Variants in RAB3GAP2 observed in about 807,000 individuals in gnomAD.
RAB3GAP2 encodes RAB3 GTPase activating non-catalytic protein subunit 2.
In RAB3GAP2, 87 loss-of-function variants were observed where a neutral mutation model predicts 185.3. The ratio of observed to expected loss-of-function variants is 0.47; its 90% confidence interval spans 0.39 to 0.56. The LOEUF is 0.56. RAB3GAP2 is among the 20% of genes least tolerant of loss of function. RAB3GAP2 has a pLI of 0.00. For synonymous variants in RAB3GAP2, 554 were observed against 576.1 expected (o/e 0.96, Z 0.55); for missense variants, 1,492 against 1,638.2 (o/e 0.91, Z 1.54).
intron 14 of RAB3GAP2, 127 bp from the exon 15 acceptor site, chr1:220,190,647 A>G: frequency 1.1e-6 from 1 of 913,776 alleles, no homozygotes; most frequent in Non-Finnish European, 1.7e-6. Context: ...GCAACTAAAT[A>G]CTGATAGCAA....
At chr1:220,168,639 C>T (rs145253505) in intron 24 of RAB3GAP2, among the ~76,000 whole-genome samples, 1,613 of 151,944 alleles carry the variant, frequency 0.011, 24 homozygotes, top group African/African-American at 0.036. Context: ...TCAGGTGATC[C>T]ACCTGCCTCA....
intron 1 of RAB3GAP2, among the ~76,000 whole-genome samples, chr1:220,251,229 C>T (rs182049783): frequency 3.3e-5 from 5 of 152,278 alleles, no homozygotes; most frequent in African/African-American, 1.2e-4. Context: ...AGATTTCACA[C>T]TTACACACAT....
chr1:220,213,809 A>T, intron 3 of RAB3GAP2, 47 bp downstream of exon 3: 1 of 1,573,926 alleles, frequency 6.4e-7, no homozygotes, highest in Non-Finnish European at 8.7e-7. Flanking sequence ...TTTCTCTTCT[A>T]TCCAATGTAT....
Position 220,272,309 on chromosome 1 carries a change from T to C in RAB3GAP2, c.29A>G (p.Tyr10Cys). 1 of 1,612,106 alleles carries C rather than the reference T, an allele frequency of 6.2e-7. No individual in the cohort carries two copies. The highest frequency in any genetic ancestry group is 8.5e-7 in the Non-Finnish European group (1 of 1,179,466). The change falls in exon 1 of 35, where the codon TAC (tyrosine) becomes TGC (cysteine). Residue 10 changes from tyrosine to cysteine, a missense_variant. This residue lies in a region of RAB3GAP2 where 177 missense variants were observed against 160.6 expected (regional missense o/e 1.10). Coordinates refer to ENST00000358951, the MANE Select transcript of RAB3GAP2 (RefSeq NM_012414.4). ...CCGGGCGGCCTGGAGGTCCTGGAAG[T>C]AGCAGAACTGGACAATGGAGCAGGC... MACSIVQFCYFQDLQAARDF... is the reference protein window; with the variant it reads MACSIVQFCCFQDLQAARDF...
At position 220,158,693 on chromosome 1, in the gene RAB3GAP2, G is replaced by A. The variant is rs1436381022; in HGVS notation, c.3261+693C>T. Among the ~76,000 whole-genome samples, 2 of 151,992 alleles carry A rather than the reference G, an allele frequency of 1.3e-5. No homozygotes were observed. Among genetic ancestry groups the A allele is most frequent in the Middle Eastern group, 3.2e-3 (1 of 316 alleles). ...TGACCTCAGGTGATCCACCAGCCTCGCCTTTCCAAAGTGCTAGGATTACAG... is the reference window on the plus strand; with the variant it reads ...TGACCTCAGGTGATCCACCAGCCTCACCTTTCCAAAGTGCTAGGATTACAG... On this transcript the variant is annotated intron_variant, in intron 29 of 34. Coordinates refer to ENST00000358951, the MANE Select transcript of RAB3GAP2 (RefSeq NM_012414.4). The surrounding 1 kb of genome is among the most constrained non-coding windows in gnomAD (Gnocchi z 4.3).
At chr1:220,244,823 T>A (rs1434410057) in intron 1 of RAB3GAP2, among the ~76,000 whole-genome samples, 1 of 151,902 alleles carries the variant, frequency 6.6e-6, no homozygotes, top group Non-Finnish European at 1.5e-5. Flanking sequence ...AAAAATCAAC[T>A]CAAGATAGAT....
At chr1:220,225,829 G>T (rs1659392458) in intron 2 of RAB3GAP2, among the ~76,000 whole-genome samples, 1 of 152,188 alleles carries the variant, frequency 6.6e-6, no homozygotes, top group Non-Finnish European at 1.5e-5. Flanking sequence ...CATGTCTCCT[G>T]TGTGGCAGGT....
intron 1 of RAB3GAP2, among the ~76,000 whole-genome samples, chr1:220,241,174 C>T (rs905466470): frequency 1.3e-5 from 2 of 152,004 alleles, no homozygotes; most frequent in African/African-American, 4.8e-5. Context: ...AATACATTAT[C>T]CTAATTTGCT....
intron 2 of RAB3GAP2, among the ~76,000 whole-genome samples, chr1:220,231,526 C>G (rs540397988): frequency 6.6e-6 from 1 of 151,702 alleles, no homozygotes; most frequent in Admixed American, 6.6e-5. Flanking sequence ...ATTCTTCTTT[C>G]TTAAAAAAAA....
intron 1 of RAB3GAP2, among the ~76,000 whole-genome samples, chr1:220,256,094 T>C (rs930733292): frequency 6.6e-6 from 1 of 151,628 alleles, no homozygotes; most frequent in South Asian, 2.1e-4. Flanking sequence ...CAACTGGGGG[T>C]CAATGTTCAA....
At chr1:220,185,530 T>A (rs1571888321) in intron 18 of RAB3GAP2, 121 bp downstream of exon 18, 1 of 683,852 alleles carries the variant, frequency 1.5e-6, no homozygotes, top group South Asian at 1.8e-5. Context: ...TAATTTCTTA[T>A]ATCTATATTA....
At chr1:220,211,489 C>G (rs966717870) in intron 4 of RAB3GAP2, 1 of 391,032 alleles carries the variant, frequency 2.6e-6, no homozygotes, top group East Asian at 7.2e-5. Context: ...ATTTTAGGAA[C>G]TTATGTATTT....
rs939745429 is a variant in RAB3GAP2 at position 220,149,856 on chromosome 1, G to C, written c.*1395C>G. On this transcript the variant is annotated 3_prime_UTR_variant, in exon 35 of 35. Coordinates refer to ENST00000358951, the MANE Select transcript of RAB3GAP2 (RefSeq NM_012414.4). ...CTCTTTTAGCTCAAAAAACAGATTT[G>C]TTTTTCTTTTTATATCCCTGAAGGA... 4 of 152,028 alleles carry C rather than the reference G, an allele frequency of 2.6e-5. No individual in the cohort carries two copies. Among genetic ancestry groups the C allele is most frequent in the Admixed American group, 1.3e-4 (2 of 15,254 alleles). The allele number at this position is 152,028 out of a possible 1,614,324, so 9.4% of individuals were successfully genotyped here.
At position 220,148,747 on chromosome 1, in the gene RAB3GAP2, T is replaced by C. The variant is rs77174655; in HGVS notation, c.*2504A>G. 2 of 152,188 alleles carry C rather than the reference T, an allele frequency of 1.3e-5. No individual in the cohort carries two copies. Among genetic ancestry groups the C allele is most frequent in the Admixed American group, 6.5e-5 (1 of 15,280 alleles). The allele number at this position is 152,188 out of a possible 1,614,324, so 9.4% of individuals were successfully genotyped here. On this transcript the variant is annotated 3_prime_UTR_variant, in exon 35 of 35. Transcript: ENST00000358951. Reference sequence around the variant, plus strand: ...TATAATAAAAGTAAAACTTTTTTTTTCTGTTTGCAAAAGTATGAAGCATTA... The same window carrying C: ...TATAATAAAAGTAAAACTTTTTTTTCCTGTTTGCAAAAGTATGAAGCATTA...
intron 2 of RAB3GAP2, among the ~76,000 whole-genome samples, chr1:220,214,946 T>TTATACA (rs1659159337): frequency 1.1e-5 from 1 of 89,620 alleles, no homozygotes; most frequent in Non-Finnish European, 2.1e-5. Context: ...AATAGTAGCA[T>TTATACA]TATATATATA....
chr1:220,183,989 T>C, intron 19 of RAB3GAP2, 47 bp downstream of exon 19: 1 of 1,376,186 alleles, frequency 7.3e-7, no homozygotes, highest in Non-Finnish European at 9.8e-7. Flanking sequence ...AAAGTAAAAC[T>C]AATCAAAGAG....
chr1:220,233,606 T>C (rs1043665009), intron 1 of RAB3GAP2, among the ~76,000 whole-genome samples: 2 of 152,180 alleles, frequency 1.3e-5, no homozygotes, highest in Non-Finnish European at 2.9e-5. Context: ...ATTAATAAAG[T>C]ACAAATAAAA....
In RAB3GAP2 at chr1:220,157,337, G is replaced by A; in HGVS notation, c.3488C>T (p.Ser1163Phe). Reference protein sequence around the residue: ...PLVEHHSILCSILYAVMRFSL... With the variant: ...PLVEHHSILCFILYAVMRFSL... ...AAACCTCATGACTGCATACAAGATG[G>A]AGCACAGGATGGAGTGGTGCTCCAC... The change falls in exon 31 of 35, where the codon TCC (serine) becomes TTC (phenylalanine). Residue 1163 changes from serine to phenylalanine, a missense_variant. Around this residue, in one of 5 missense-constraint regions of RAB3GAP2, gnomAD observed 387 missense variants for 455.3 expected, o/e 0.85. Coordinates refer to ENST00000358951, the MANE Select transcript of RAB3GAP2 (RefSeq NM_012414.4). 6 of 1,613,900 alleles carry A rather than the reference G, an allele frequency of 3.7e-6. No individual in the cohort carries two copies. The highest frequency in any genetic ancestry group is 5.1e-6 in the Non-Finnish European group (6 of 1,179,976).
In RAB3GAP2 at chr1:220,151,113, T is replaced by A; in HGVS notation, c.*138A>T. ...CCAGGGTTGCACTTTTTAAAAGTTGTATATACTTTTATTTATTTTACAAAA... is the reference window on the plus strand; with the variant it reads ...CCAGGGTTGCACTTTTTAAAAGTTGAATATACTTTTATTTATTTTACAAAA... On this transcript the variant is annotated 3_prime_UTR_variant, in exon 35 of 35. Transcript: ENST00000358951. 1 of 868,064 alleles carries A rather than the reference T, an allele frequency of 1.2e-6. No individual in the cohort carries two copies. Among genetic ancestry groups the A allele is most frequent in the South Asian group, 1.8e-5 (1 of 57,010 alleles). The allele number at this position is 868,064 out of a possible 1,614,324, so 53.8% of individuals were successfully genotyped here.
Sources: gnomAD v4.1 joint callset for allele counts (sites outside exome capture counted in the v4.1 genomes callset) on GRCh38, gnomAD v4.1.1 for gene constraint, gnomAD v4.1.1 regional missense constraint, Gnocchi (gnomAD v3.1) non-coding constraint, MANE v1.5 for transcripts, NCBI Gene and HGNC (gene_info 2026-07-23, HGNC 2026-07-21) for gene names.